The following PKIB variants were observed in gnomAD, a reference collection of about 807,000 sequenced individuals.
The protein encoded by PKIB is cAMP-dependent protein kinase inhibitor beta.
PKIB carries 2 observed loss-of-function variants against 4.5 expected under a neutral mutation model. That is an observed-to-expected ratio of 0.44 (90% CI 0.18 to 1.39). The LOEUF (loss-of-function observed/expected upper bound fraction) is 1.39, where lower values mean the gene tolerates loss of function less well. Ranked by LOEUF, PKIB falls within the 40% of genes most tolerant of loss-of-function variation. PKIB has a pLI of 0.27. For missense variants in PKIB, 94 were observed against 92.6 expected (o/e 1.02, Z -0.06); for synonymous variants, 38 against 36.0 (o/e 1.06, Z -0.20).
intron 2 of PKIB, among the ~76,000 whole-genome samples, chr6:122,673,644 G>A (rs1006276186): frequency 1.3e-5 from 2 of 152,130 alleles, no homozygotes; most frequent in African/African-American, 4.8e-5. Context: ...TTCCAAGGTG[G>A]TAAAATACGC....
At chr6:122,613,377 A>C (rs1331216947) in intron 1 of PKIB, among the ~76,000 whole-genome samples, 1 of 152,168 alleles carries the variant, frequency 6.6e-6, no homozygotes, top group East Asian at 1.9e-4. Flanking sequence ...AATTATTTTA[A>C]ATAATAATTA....
intron 2 of PKIB, among the ~76,000 whole-genome samples, chr6:122,520,661 T>TGCCCCCC (rs1562237597): frequency 1.8e-5 from 1 of 55,548 alleles, no homozygotes; most frequent in African/African-American, 6.0e-5. Flanking sequence ...AAGTTTATGT[T>TGCCCCCC]CCCACCCCCC....
In PKIB at chr6:122,700,168, C is replaced by CTGTTGTTGT. The variant is rs151151718; in HGVS notation, c.-8-17601_-8-17593dup. 2.4e-3 allele frequency among the ~76,000 whole-genome samples: 365 copies of CTGTTGTTGT among 149,634 alleles called. 1 individual carries two copies. Among genetic ancestry groups the CTGTTGTTGT allele is most frequent in the Middle Eastern group, 6.9e-3 (2 of 288 alleles). On this transcript the variant is annotated intron_variant, in intron 3 of 4. Transcript: ENST00000368452. ...AATTGTAGATCTTTGTTTTAGGGTT[C>CTGTTGTTGT]TGTTGTTGTTGTTGTTGTTGTTGTT...
chr6:122,507,009 T>A (rs1346195641), intron 2 of PKIB, among the ~76,000 whole-genome samples: 1 of 152,130 alleles, frequency 6.6e-6, no homozygotes, highest in Non-Finnish European at 1.5e-5. Flanking sequence ...CCGTAATTTT[T>A]TAAAATTAAT....
chr6:122,652,775 G>A (rs1776612081), intron 2 of PKIB: 1 of 152,168 alleles, frequency 6.6e-6, no homozygotes, highest in African/African-American at 2.4e-5. Flanking sequence ...AGAAGTTGTA[G>A]GTAATAATCT....
At chr6:122,582,968 T>C (rs1366802576) in intron 2 of PKIB, among the ~76,000 whole-genome samples, 4 of 152,054 alleles carry the variant, frequency 2.6e-5, no homozygotes, top group African/African-American at 7.2e-5. Flanking sequence ...CATAATCATC[T>C]TCTGAATATT....
intron 4 of PKIB, among the ~76,000 whole-genome samples, chr6:122,719,716 TACACAC>T (rs202212013): frequency 1.5e-3 from 198 of 132,880 alleles, no homozygotes; most frequent in African/African-American, 4.3e-3. Context: ...CCACCACACA[TACACAC>T]ACACACACAC....
intron 1 of PKIB, among the ~76,000 whole-genome samples, chr6:122,611,151 C>A (rs1015750920): frequency 2.0e-5 from 3 of 152,230 alleles, no homozygotes; most frequent in African/African-American, 7.2e-5. Flanking sequence ...GGGAGGGACA[C>A]GAGTGCCAGG....
intron 3 of PKIB, among the ~76,000 whole-genome samples, chr6:122,687,144 T>G (rs1178474810): frequency 3.3e-5 from 5 of 152,242 alleles, no homozygotes; most frequent in African/African-American, 1.2e-4. Flanking sequence ...GATTTTTGTG[T>G]ATGGCAAGAG....
At chr6:122,640,195 C>T (rs1413219344) in intron 2 of PKIB, among the ~76,000 whole-genome samples, 1 of 152,158 alleles carries the variant, frequency 6.6e-6, no homozygotes, top group East Asian at 1.9e-4. Flanking sequence ...AGAATGTCAT[C>T]TTGGGAAACA....
At chr6:122,491,852 T>C (rs1179091165) in intron 2 of PKIB, among the ~76,000 whole-genome samples, 3 of 152,220 alleles carry the variant, frequency 2.0e-5, no homozygotes, top group Admixed American at 2.0e-4. Flanking sequence ...AAGGTTAATC[T>C]AGAAAGATTT....
At chr6:122,558,966 G>A (rs1376386374) in intron 2 of PKIB, among the ~76,000 whole-genome samples, 1 of 152,142 alleles carries the variant, frequency 6.6e-6, no homozygotes, top group Non-Finnish European at 1.5e-5. Context: ...CGCCCTCACA[G>A]CTTAGCTCCC....
intron 2 of PKIB, among the ~76,000 whole-genome samples, chr6:122,635,912 A>G (rs906591724): frequency 6.6e-6 from 1 of 152,156 alleles, no homozygotes; most frequent in African/African-American, 2.4e-5. Flanking sequence ...CTAGTGGCTT[A>G]CTACATGACC....
chr6:122,668,481 C>T (rs1428949959), intron 2 of PKIB, among the ~76,000 whole-genome samples: 1 of 152,072 alleles, frequency 6.6e-6, no homozygotes, highest in Non-Finnish European at 1.5e-5. Flanking sequence ...TTCCTGATGT[C>T]CCTTAAGCAG....
chr6:122,557,976 G>A (rs1397296553), intron 2 of PKIB, among the ~76,000 whole-genome samples: 1 of 152,028 alleles, frequency 6.6e-6, no homozygotes, highest in Non-Finnish European at 1.5e-5. Context: ...CCAAGCTCCC[G>A]ATTTTTTTTG....
chr6:122,620,618 T>C (rs146153597), intron 1 of PKIB, among the ~76,000 whole-genome samples: 3 of 152,308 alleles, frequency 2.0e-5, no homozygotes, highest in Non-Finnish European at 2.9e-5. Context: ...TATACATGTC[T>C]AGCTCCTGAG....
intron 1 of PKIB, among the ~76,000 whole-genome samples, chr6:122,474,648 G>A (rs556739897): frequency 6.6e-6 from 1 of 152,264 alleles, no homozygotes; most frequent in African/African-American, 2.4e-5. Context: ...CAAATAAATG[G>A]TATGTAAAAT....
At chr6:122,534,667 A>G (rs556651448) in intron 2 of PKIB, among the ~76,000 whole-genome samples, 1 of 152,102 alleles carries the variant, frequency 6.6e-6, no homozygotes, top group African/African-American at 2.4e-5. Flanking sequence ...AATATATAAT[A>G]TAATATATAA....
intron 2 of PKIB, among the ~76,000 whole-genome samples, chr6:122,546,342 C>T (rs754265326): frequency 2.0e-5 from 3 of 151,462 alleles, no homozygotes; most frequent in Non-Finnish European, 4.4e-5. Context: ...TTACTCACTA[C>T]CCTTCTATTC....
Sources: gnomAD v4.1 joint callset for allele counts (sites outside exome capture counted in the v4.1 genomes callset) on GRCh38, gnomAD v4.1.1 for gene constraint, MANE v1.5 for transcripts, NCBI Gene and HGNC (gene_info 2026-07-23, HGNC 2026-07-21) for gene names.